The following CIMIP2A variants were observed in gnomAD, a reference collection of about 807,000 sequenced individuals.
The protein encoded by CIMIP2A is ciliary microtubule inner protein 2A, also known as family with sequence similarity 166 member A.
At chr9:137,251,265 G>A in the CIMIP2A span, 10 of 1,509,202 alleles carry the variant, frequency 6.6e-6, no homozygotes, top group Non-Finnish European at 8.3e-6. Flanking sequence ...GTGCCGTTGG[G>A]GAAGAGAGCC....
chr9:137,253,471 T>C, the CIMIP2A span: 4 of 1,432,630 alleles, frequency 2.8e-6, no homozygotes, highest in African/African-American at 4.3e-5. Flanking sequence ...TGAGATGCTG[T>C]TGGTTTTCCC....
At chr9:137,244,446 G>A in the CIMIP2A span, 3 of 1,509,380 alleles carry the variant, frequency 2.0e-6, no homozygotes, top group South Asian at 2.6e-5. Context: ...TCCAAAACTT[G>A]AGTGCAGGGA....
At chr9:137,246,917 G>C in the CIMIP2A span, among the ~76,000 whole-genome samples, 84 of 152,294 alleles carry the variant, frequency 5.5e-4, no homozygotes, top group African/African-American at 2.0e-3. Flanking sequence ...ACGTTCCGTA[G>C]AGGGGTTACT....
the CIMIP2A span, among the ~76,000 whole-genome samples, chr9:137,249,116 A>G: frequency 2.6e-5 from 4 of 151,922 alleles, no homozygotes; most frequent in Non-Finnish European, 5.9e-5. Flanking sequence ...TCGGCCTCCC[A>G]AAGTGCTGGG....
the CIMIP2A span, chr9:137,244,249 G>C: frequency 6.2e-7 from 1 of 1,613,896 alleles, no homozygotes; most frequent in Non-Finnish European, 8.5e-7. Flanking sequence ...GTTCCAGGCA[G>C]CTTCTCGCCC....
At chr9:137,245,532 C>T in the CIMIP2A span, 1 of 1,613,722 alleles carries the variant, frequency 6.2e-7, no homozygotes, top group Admixed American at 1.7e-5. Flanking sequence ...GGCCCAGAAT[C>T]TCAAAGTTCT....
chr9:137,254,186 C>A, the CIMIP2A span, among the ~76,000 whole-genome samples: 1 of 152,258 alleles, frequency 6.6e-6, no homozygotes, highest in Non-Finnish European at 1.5e-5. Context: ...CTCTGGGCAG[C>A]TGCTTCTGTG....
chr9:137,251,406 GGA>G, the CIMIP2A span: 1 of 1,594,560 alleles, frequency 6.3e-7, no homozygotes, highest in Non-Finnish European at 8.6e-7. Context: ...AGTAACTGGC[GGA>G]GAGGGGGAGA....
chr9:137,244,142 G>A, the CIMIP2A span: 1 of 1,606,390 alleles, frequency 6.2e-7, no homozygotes, highest in East Asian at 2.2e-5. Context: ...GCCGGGGTGT[G>A]TCCATGTGAC....
the CIMIP2A span, chr9:137,251,228 C>T: frequency 1.5e-4 from 174 of 1,160,380 alleles, no homozygotes; most frequent in African/African-American, 2.1e-3. Context: ...ACAGAGGGGC[C>T]TACCAGTGAG....
chr9:137,253,515 C>G, the CIMIP2A span: 8 of 1,419,590 alleles, frequency 5.6e-6, no homozygotes, highest in Non-Finnish European at 6.4e-6. Flanking sequence ...TGTCCTTCAC[C>G]CGGGGGCGGT....
the CIMIP2A span, among the ~76,000 whole-genome samples, chr9:137,247,179 G>A: frequency 7.9e-5 from 12 of 152,210 alleles, no homozygotes; most frequent in African/African-American, 2.9e-4. Context: ...CAGCTACTCC[G>A]GAAGCTGAGA....
the CIMIP2A span, chr9:137,245,664 C>T: frequency 6.2e-6 from 10 of 1,606,184 alleles, no homozygotes; most frequent in South Asian, 2.2e-5. Context: ...TGTAGGGCTC[C>T]GTCAGGTCTT....
At chr9:137,252,831 C>T in the CIMIP2A span, 30 of 1,570,544 alleles carry the variant, frequency 1.9e-5, no homozygotes, top group East Asian at 3.8e-4. Flanking sequence ...CTTCAGGCCT[C>T]TTTGCAGGCA....
the CIMIP2A span, chr9:137,251,216 C>T: frequency 9.2e-7 from 1 of 1,092,072 alleles, no homozygotes; most frequent in Non-Finnish European, 1.4e-6. Flanking sequence ...GGAGTCCCAG[C>T]AACAGAGGGG....
chr9:137,250,581 C>T, the CIMIP2A span: 2 of 153,520 alleles, frequency 1.3e-5, no homozygotes, highest in East Asian at 1.9e-4. Context: ...TGGTCAGCTC[C>T]AGAGACCACA....
At chr9:137,253,645 C>G in the CIMIP2A span, 1 of 593,546 alleles carries the variant, frequency 1.7e-6, no homozygotes, top group Non-Finnish European at 2.6e-6. Flanking sequence ...ACCCTGAGCT[C>G]TAGCCTGGAG....
the CIMIP2A span, chr9:137,245,186 G>C: frequency 1.0e-6 from 1 of 977,042 alleles, no homozygotes; most frequent in Non-Finnish European, 1.6e-6. Flanking sequence ...GGCGGGCGGG[G>C]GGTGGGTACT....
chr9:137,251,734 G>A, the CIMIP2A span: 2 of 1,560,366 alleles, frequency 1.3e-6, no homozygotes, highest in Non-Finnish European at 1.7e-6. Flanking sequence ...GGTCTCCCTT[G>A]CAGGCCCAAG....
Sources: allele counts gnomAD v4.1 joint callset (sites outside exome capture counted in the v4.1 genomes callset), GRCh38; gene constraint gnomAD v4.1.1; transcripts MANE v1.5; gene names NCBI Gene and HGNC (gene_info 2026-07-23, HGNC 2026-07-21).